CWC27: variants seen among roughly 807,000 people sequenced by gnomAD.
The protein encoded by CWC27 is CWC27 spliceosome associated cyclophilin.
A neutral mutation model predicts 63.6 loss-of-function variants in CWC27; 47 were observed. The observed-to-expected ratio is 0.74, with a 90% CI of 0.58 to 0.94. The LOEUF (loss-of-function observed/expected upper bound fraction) is 0.94, where lower values mean the gene tolerates loss of function less well. CWC27 is among the 40% of genes least tolerant of loss of function. The pLI is 0.00. For missense variants in CWC27, 495 were observed against 554.3 expected (o/e 0.89, Z 1.07); for synonymous variants, 175 against 179.8 (o/e 0.97, Z 0.22).
chr5:64,813,506 A>G (rs1744945547), intron 10 of CWC27, among the ~76,000 whole-genome samples: 1 of 152,176 alleles, frequency 6.6e-6, no homozygotes, highest in Non-Finnish European at 1.5e-5. Context: ...ATGTGGGAGA[A>G]GCTTCTCTTG....
At chr5:64,860,772 T>TTGAAATATTA (rs1261399664) in intron 10 of CWC27, among the ~76,000 whole-genome samples, 7 of 152,240 alleles carry the variant, frequency 4.6e-5, no homozygotes, top group African/African-American at 9.6e-5. Flanking sequence ...TCTGCAGAGT[T>TTGAAATATTA]TGAAATATTA....
chr5:64,914,964 CAT>C (rs1164456973), intron 11 of CWC27, among the ~76,000 whole-genome samples: 3 of 152,022 alleles, frequency 2.0e-5, no homozygotes, highest in Non-Finnish European at 4.4e-5. Flanking sequence ...ATCTTACAAA[CAT>C]AAAGTTGAGC....
chr5:64,847,535 G>A (rs1046772299), intron 10 of CWC27, among the ~76,000 whole-genome samples: 24 of 151,996 alleles, frequency 1.6e-4, no homozygotes, highest in African/African-American at 5.6e-4. Flanking sequence ...TTGACCAAAG[G>A]GACCTCACAG....
intron 11 of CWC27, among the ~76,000 whole-genome samples, chr5:64,919,059 C>T (rs1251304166): frequency 6.6e-6 from 1 of 152,118 alleles, no homozygotes; most frequent in Non-Finnish European, 1.5e-5. Flanking sequence ...GGCATAAATA[C>T]AAGTCATTTT....
intron 11 of CWC27, among the ~76,000 whole-genome samples, chr5:64,918,569 GA>G (rs1178936255): frequency 6.6e-6 from 1 of 151,744 alleles, no homozygotes; most frequent in African/African-American, 2.4e-5. Context: ...TTCAAAAAGG[GA>G]AAAAAAGAAA....
intron 10 of CWC27, among the ~76,000 whole-genome samples, chr5:64,878,367 G>T (rs1328469157): frequency 1.4e-5 from 2 of 146,404 alleles, no homozygotes; most frequent in Non-Finnish European, 3.0e-5. Flanking sequence ...TCTTTAAATT[G>T]CTAATGTAAT....
At chr5:64,963,513 A>G (rs914085367) in intron 11 of CWC27, among the ~76,000 whole-genome samples, 5 of 152,228 alleles carry the variant, frequency 3.3e-5, no homozygotes, top group Non-Finnish European at 5.9e-5. Context: ...TGAACGTACT[A>G]TGACCATTCA....
At chr5:64,812,143 T>A (rs1375726596) in intron 10 of CWC27, among the ~76,000 whole-genome samples, 1 of 152,050 alleles carries the variant, frequency 6.6e-6, no homozygotes, top group African/African-American at 2.4e-5. Context: ...ATTGTTTGCT[T>A]TAGGAAATTT....
intron 11 of CWC27, among the ~76,000 whole-genome samples, chr5:64,887,810 A>G (rs1156592386): frequency 6.6e-6 from 1 of 152,226 alleles, no homozygotes; most frequent in African/African-American, 2.4e-5. Context: ...TTCTACCATT[A>G]TAACAGCAAT....
At chr5:64,920,151 T>G in intron 11 of CWC27, among the ~76,000 whole-genome samples, 1 of 151,756 alleles carries the variant, frequency 6.6e-6, no homozygotes. Context: ...CTTTTTTTTG[T>G]AGAGACAGGG....
rs1478125162 is a variant in CWC27, at chr5:64,774,735, G to T, written c.87G>T (p.Trp29Cys). The T allele has an allele frequency of 1.2e-6, 2 of 1,608,192 alleles. No individual in the cohort carries two copies. Among genetic ancestry groups the T allele is most frequent in the African/African-American group, 1.3e-5 (1 of 74,768 alleles). ...TTAGDIDIEL[W>C]SKEAPKACRN... is the part of the protein sequence containing the mutation. ...CTGGAGATATTGACATAGAGTTGTGGTCCAAAGAAGCTCCTAAAGCTTGCA... is the reference window on the plus strand; with the variant it reads ...CTGGAGATATTGACATAGAGTTGTGTTCCAAAGAAGCTCCTAAAGCTTGCA... Residue 29 changes from tryptophan to cysteine, a missense_variant, in exon 2 of 14, where the codon TGG becomes TGT. Around this residue, in one of 3 missense-constraint regions of CWC27, gnomAD observed 463 missense variants for 498.1 expected, o/e 0.93. Transcript: ENST00000381070.
At chr5:64,970,364 C>T (rs921524991) in intron 11 of CWC27, among the ~76,000 whole-genome samples, 1 of 152,082 alleles carries the variant, frequency 6.6e-6, no homozygotes, top group Non-Finnish European at 1.5e-5. Context: ...AGGCGCCCGC[C>T]ACCACGCCCG....
At chr5:64,883,387 A>G (rs140705172) in intron 10 of CWC27, among the ~76,000 whole-genome samples, 80 of 152,332 alleles carry the variant, frequency 5.3e-4, no homozygotes, top group South Asian at 1.7e-3. Context: ...CAAAACATCT[A>G]CATTTGGAAA....
chr5:64,971,700 TAGAGGA>T lies in CWC27; in HGVS notation c.1044_1049del (p.Glu349_Glu350del). On this transcript the variant is annotated splice_acceptor_variant and coding_sequence_variant, in exon 12 of 14. Transcript: ENST00000381070. LOFTEE classifies it high-confidence loss of function. ...ATTCTAAAAATATTCTACTATTCTT[TAGAGGA>T]AGAAGCCCCTCCAGATGGTGCTGTT... 1 of 1,588,902 alleles carries T rather than the reference TAGAGGA, an allele frequency of 6.3e-7. No individual in the cohort carries two copies. The highest frequency in any genetic ancestry group is 1.2e-5 in the South Asian group (1 of 86,610).
chr5:64,932,983 T>C (rs1748269790), intron 11 of CWC27, among the ~76,000 whole-genome samples: 1 of 152,200 alleles, frequency 6.6e-6, no homozygotes, highest in Admixed American at 6.5e-5. Flanking sequence ...TGTCTTATTG[T>C]ATATTAAATT....
At chr5:64,794,343 A>T (rs1744183054) in intron 7 of CWC27, among the ~76,000 whole-genome samples, 1 of 152,162 alleles carries the variant, frequency 6.6e-6, no homozygotes, top group African/African-American at 2.4e-5. Flanking sequence ...ACTCATGCCA[A>T]TTTGAACTAG....
chr5:64,829,941 GCTTCATCCATGTCCCTGCA>G (rs1235521022), intron 10 of CWC27, among the ~76,000 whole-genome samples: 2 of 145,934 alleles, frequency 1.4e-5, no homozygotes, highest in Non-Finnish European at 3.0e-5. Context: ...GTGGTTTCCA[GCTTCATCCATGTCCCTGCA>G]AAGAACATGA....
At chr5:64,969,495 G>A (rs1399262109) in intron 11 of CWC27, among the ~76,000 whole-genome samples, 3 of 152,124 alleles carry the variant, frequency 2.0e-5, no homozygotes, top group Non-Finnish European at 4.4e-5. Flanking sequence ...TGAGGCTGGC[G>A]AGGGGAAGAG....
chr5:64,920,293 G>A (rs904987320), intron 11 of CWC27, among the ~76,000 whole-genome samples: 2 of 152,226 alleles, frequency 1.3e-5, no homozygotes, highest in Admixed American at 6.5e-5. Context: ...TACGTATATT[G>A]AACCAACCTT....
Sources: allele counts gnomAD v4.1 joint callset (sites outside exome capture counted in the v4.1 genomes callset), GRCh38; gene constraint gnomAD v4.1.1; regional missense constraint gnomAD v4.1.1; transcripts MANE v1.5; gene names NCBI Gene and HGNC (gene_info 2026-07-23, HGNC 2026-07-21).